Variants in MAGEB10 observed in about 807,000 individuals in gnomAD.
MAGEB10 encodes melanoma-associated antigen B10.
For synonymous variants in MAGEB10, 99 were observed against 101.0 expected (o/e 0.98, Z 0.12); for missense variants, 190 against 261.9 (o/e 0.73, Z 1.89).
In MAGEB10 at chrX:27,822,820, C is replaced by G. The variant is rs1456742177; in HGVS notation, c.*470C>G. 1.0e-4 allele frequency: 13 copies of G among 126,010 alleles called. No individual in the cohort carries two copies. 10.4% of individuals were successfully genotyped at this position (126,010 alleles called of 1,213,427 possible). A position where few individuals can be genotyped will look rare whatever the true frequency, so the allele number is the denominator to read the frequency against. ...CATGAGGTCAGGAGATCAAGACCAT[C>G]TTGGCTAACACAGTGAAACCCCGTC... On this transcript the variant is annotated 3_prime_UTR_variant, in exon 3 of 3. Transcript: ENST00000356790.
chrX:27,810,512 A>G (rs1300894780), intron 1 of MAGEB10, among the ~76,000 whole-genome samples: 1 of 111,550 alleles, frequency 9.0e-6, no homozygotes, highest in East Asian at 2.8e-4. Context: ...TGGCGGCCTT[A>G]GAGAATCCTG....
intron 1 of MAGEB10, among the ~76,000 whole-genome samples, chrX:27,815,642 A>G: frequency 8.9e-6 from 1 of 112,447 alleles, no homozygotes; most frequent in Admixed American, 9.4e-5. Flanking sequence ...GTGGATAAGG[A>G]AGGACCTAGG....
chrX:27,822,435 CAG>C lies in MAGEB10; in HGVS notation c.*86_*87del. 1.1e-6 allele frequency: 1 copy of C among 883,070 alleles called. No individual in the cohort carries two copies. The highest frequency in any genetic ancestry group is 1.6e-6 in the Non-Finnish European group (1 of 641,330). The allele number at this position is 883,070 out of a possible 1,213,427, so 72.8% of individuals were successfully genotyped here. A position where few individuals can be genotyped will look rare whatever the true frequency, so the allele number is the denominator to read the frequency against. Reference sequence around the variant, plus strand: ...GGTCAGGGTGGGACTGGAGACAACACAGTGAATAATATGTTTGTGTTAATGTT... The same window carrying C: ...GGTCAGGGTGGGACTGGAGACAACACTGAATAATATGTTTGTGTTAATGTT... On this transcript the variant is annotated 3_prime_UTR_variant, in exon 3 of 3. Transcript: ENST00000356790.
intron 1 of MAGEB10, among the ~76,000 whole-genome samples, chrX:27,810,261 T>C (rs1308616941): frequency 8.9e-6 from 1 of 111,886 alleles, no homozygotes; most frequent in Non-Finnish European, 1.9e-5. Flanking sequence ...AGCGAAGGTC[T>C]GCAGCTTCAC....
chrX:27,819,864 G>A (rs942116914), intron 2 of MAGEB10, among the ~76,000 whole-genome samples: 1 of 111,629 alleles, frequency 9.0e-6, no homozygotes, highest in African/African-American at 3.3e-5. Context: ...ACTGGTGCCA[G>A]AGGGAGGTGT....
At chrX:27,814,459 A>G (rs1230517295) in intron 1 of MAGEB10, among the ~76,000 whole-genome samples, 1 of 111,606 alleles carries the variant, frequency 9.0e-6, no homozygotes, top group African/African-American at 3.3e-5. Flanking sequence ...AAATCCTCAA[A>G]TTTGCAAAGT....
At chrX:27,821,196 TAA>T (rs1280231804) in intron 2 of MAGEB10, 60 bp from the exon 3 acceptor site, 1 of 663,685 alleles carries the variant, frequency 1.5e-6, no homozygotes, top group African/African-American at 2.2e-5. Flanking sequence ...TGGCCGTCAA[TAA>T]AGCTAAAGTT....
intron 1 of MAGEB10, among the ~76,000 whole-genome samples, chrX:27,809,223 G>A (rs981473307): frequency 2.6e-4 from 29 of 110,747 alleles, no homozygotes; most frequent in African/African-American, 7.9e-4. Context: ...TGGCGGGCCC[G>A]GCACTCAGAG....
At chrX:27,809,378 A>AACCCCGCCATC (rs1923612037) in intron 1 of MAGEB10, among the ~76,000 whole-genome samples, 1 of 21,626 alleles carries the variant, frequency 4.6e-5, no homozygotes, top group African/African-American at 2.0e-4. Flanking sequence ...AGCCTCTCCC[A>AACCCCGCCATC]CCCCCCCAAC....
At chrX:27,811,905 A>C (rs779141118) in intron 1 of MAGEB10, 1 of 144,033 alleles carries the variant, frequency 6.9e-6, no homozygotes, top group African/African-American at 3.2e-5. Context: ...TCAGAAAAGT[A>C]AGCCCCGTGC....
At chrX:27,809,621 GC>G (rs1402397671) in intron 1 of MAGEB10, among the ~76,000 whole-genome samples, 1 of 54,108 alleles carries the variant, frequency 1.8e-5, no homozygotes, top group Non-Finnish European at 3.3e-5. Flanking sequence ...GACGAGCGCC[GC>G]CCCCCGCTCT....
intron 1 of MAGEB10, among the ~76,000 whole-genome samples, chrX:27,815,104 A>G (rs1321427536): frequency 2.7e-5 from 3 of 111,836 alleles, no homozygotes; most frequent in Non-Finnish European, 5.6e-5. Context: ...AGCACTTCCC[A>G]AATTACACTG....
intron 1 of MAGEB10, among the ~76,000 whole-genome samples, chrX:27,811,200 G>T (rs1377952039): frequency 9.1e-6 from 1 of 110,220 alleles, no homozygotes; most frequent in Non-Finnish European, 1.9e-5. Flanking sequence ...ATACATCTGA[G>T]GCCTCCCTAA....
At chrX:27,808,920 C>T (rs919306506) in intron 1 of MAGEB10, among the ~76,000 whole-genome samples, 1 of 112,460 alleles carries the variant, frequency 8.9e-6, no homozygotes, top group African/African-American at 3.2e-5. Context: ...TATTGGACCA[C>T]GGTGTCTGCC....
intron 1 of MAGEB10, among the ~76,000 whole-genome samples, chrX:27,811,594 G>A (rs1338671705): frequency 2.7e-5 from 3 of 112,023 alleles, no homozygotes; most frequent in Non-Finnish European, 5.6e-5. Flanking sequence ...GCTCCATAGA[G>A]TCTGGACCTG....
intron 2 of MAGEB10, among the ~76,000 whole-genome samples, chrX:27,819,146 A>T (rs981016671): frequency 4.5e-5 from 5 of 110,947 alleles, no homozygotes; most frequent in African/African-American, 1.6e-4. Flanking sequence ...GGGATATGGG[A>T]CTGTGGGGTG....
intron 2 of MAGEB10, among the ~76,000 whole-genome samples, chrX:27,818,787 T>C (rs1923829212): frequency 1.8e-5 from 2 of 112,020 alleles, no homozygotes; most frequent in African/African-American, 6.5e-5. Context: ...TCCAAATCTC[T>C]ATCTTCTTTA....
At chrX:27,819,448 A>G (rs1002767406) in intron 2 of MAGEB10, among the ~76,000 whole-genome samples, 2 of 111,507 alleles carry the variant, frequency 1.8e-5, no homozygotes, top group Non-Finnish European at 3.8e-5. Context: ...CAGAAAAGAG[A>G]GTTCCAGAGA....
intron 1 of MAGEB10, among the ~76,000 whole-genome samples, chrX:27,808,814 C>T (rs998705121): frequency 3.6e-5 from 4 of 111,716 alleles, no homozygotes; most frequent in African/African-American, 9.8e-5. Context: ...CATAGCGGAC[C>T]GGTCCCCACA....
Sources: gnomAD v4.1 joint callset for allele counts (sites outside exome capture counted in the v4.1 genomes callset) on GRCh38, gnomAD v4.1.1 for gene constraint, MANE v1.5 for transcripts, NCBI Gene and HGNC (gene_info 2026-07-23, HGNC 2026-07-21) for gene names.